Variants in FUT8 observed in about 807,000 individuals in gnomAD.
FUT8 encodes fucosyltransferase 8, also known as alpha-(1,6)-fucosyltransferase.
In FUT8, 29 loss-of-function variants were observed where a neutral mutation model predicts 71.3. The observed-to-expected ratio is 0.41, with a 90% confidence interval of 0.30 to 0.55. The LOEUF (loss-of-function observed/expected upper bound fraction) is 0.55. FUT8 is among the 20% of genes least tolerant of loss of function. The pLI is 0.34. For synonymous variants in FUT8, 254 were observed against 239.3 expected (o/e 1.06, Z -0.57); for missense variants, 544 against 702.1 (o/e 0.77, Z 2.55).
chr14:65,620,699 G>A (rs1459477286), intron 5 of FUT8, among the ~76,000 whole-genome samples: 7 of 152,156 alleles, frequency 4.6e-5, no homozygotes, highest in African/African-American at 1.7e-4. Context: ...GAGAGAGGAA[G>A]GGAGGAAGGA....
At chr14:65,459,177 C>G (rs138506579) in intron 2 of FUT8, among the ~76,000 whole-genome samples, 1 of 152,086 alleles carries the variant, frequency 6.6e-6, no homozygotes. Context: ...ATCTGTTCAA[C>G]GGGCAAATAC....
chr14:65,620,838 C>T (rs1889570656), intron 5 of FUT8, among the ~76,000 whole-genome samples: 1 of 152,126 alleles, frequency 6.6e-6, no homozygotes, highest in Non-Finnish European at 1.5e-5. Flanking sequence ...CTAAGGAATC[C>T]AAGCTTATTT....
intron 6 of FUT8, among the ~76,000 whole-genome samples, chr14:65,663,295 G>T (rs565900801): frequency 2.0e-5 from 3 of 152,074 alleles, no homozygotes; most frequent in East Asian, 1.9e-4. Flanking sequence ...AATAACAAAG[G>T]CTTAGCTCAG....
intron 3 of FUT8, among the ~76,000 whole-genome samples, chr14:65,588,315 T>C (rs1887498960): frequency 6.6e-6 from 1 of 152,126 alleles, no homozygotes; most frequent in Non-Finnish European, 1.5e-5. Context: ...TTTTCCTTCA[T>C]CCCCCAACAG....
intron 2 of FUT8, among the ~76,000 whole-genome samples, chr14:65,531,810 C>A (rs1009151983): frequency 1.3e-5 from 2 of 152,070 alleles, no homozygotes; most frequent in African/African-American, 4.8e-5. Context: ...TCTATTGTTC[C>A]TTTCGTTGTG....
chr14:65,404,957 C>G, the FUT8 span, among the ~76,000 whole-genome samples: 5 of 152,186 alleles, frequency 3.3e-5, no homozygotes, highest in African/African-American at 1.2e-4. Flanking sequence ...TTAAATAAAA[C>G]AGCAGCTTAC....
At chr14:65,433,372 A>G (rs1367941893) in intron 1 of FUT8, among the ~76,000 whole-genome samples, 2 of 152,232 alleles carry the variant, frequency 1.3e-5, no homozygotes, top group Non-Finnish European at 2.9e-5. Context: ...AAGTAGGGGC[A>G]TTCCAGGAAG....
intron 3 of FUT8, among the ~76,000 whole-genome samples, chr14:65,597,392 G>A (rs1254148112): frequency 6.6e-6 from 1 of 152,126 alleles, no homozygotes; most frequent in East Asian, 1.9e-4. Context: ...ACTTTGGGAG[G>A]CCGAGGCGGG....
rs1308779681 is a variant in FUT8, at chr14:65,742,390, T to A, written c.1708T>A (p.Tyr570Asn). The A allele has an allele frequency of 6.2e-7, 1 of 1,611,846 alleles. No individual in the cohort carries two copies. The highest frequency in any genetic ancestry group is 8.5e-7 in the Non-Finnish European group (1 of 1,178,622). The change falls in exon 11 of 11, where the codon TAT becomes AAT. Residue 570 changes from tyrosine (Y) to asparagine (N), a missense_variant. By Grantham distance (143) the Tyr-to-Asn change is moderately radical. Coordinates refer to ENST00000673929, the MANE Select transcript of FUT8 (RefSeq NM_001371533.1). ...EKIETVKYPTYPEAEK is the reference protein window; with the variant it reads ...EKIETVKYPTNPEAEK ...GATAGAAACGGTCAAGTACCCCACA[T>A]ATCCTGAGGCTGAGAAATAAAGCTC...
the FUT8 span, among the ~76,000 whole-genome samples, chr14:65,387,635 G>A: frequency 4.6e-5 from 7 of 152,204 alleles, no homozygotes; most frequent in African/African-American, 1.7e-4. Context: ...AACTTCATCT[G>A]TTCAATTCAG....
intron 2 of FUT8, among the ~76,000 whole-genome samples, chr14:65,536,332 G>A (rs1276511301): frequency 6.6e-6 from 1 of 152,130 alleles, no homozygotes; most frequent in Non-Finnish European, 1.5e-5. Flanking sequence ...TGTTTGTGTG[G>A]TTGCTTTATA....
intron 7 of FUT8, among the ~76,000 whole-genome samples, chr14:65,708,120 C>T (rs1894641025): frequency 6.6e-6 from 1 of 152,044 alleles, no homozygotes; most frequent in Non-Finnish European, 1.5e-5. Flanking sequence ...TCCCATAATC[C>T]CCACATGTCA....
chr14:65,590,440 A>G (rs1373820050), intron 3 of FUT8, among the ~76,000 whole-genome samples: 2 of 152,176 alleles, frequency 1.3e-5, no homozygotes, highest in Admixed American at 6.5e-5. Context: ...TCTTTGCATC[A>G]TGGAGTCAAA....
intron 2 of FUT8, among the ~76,000 whole-genome samples, chr14:65,528,063 C>T (rs138098082): frequency 0.014 from 2,063 of 152,356 alleles, 43 homozygotes; most frequent in East Asian, 0.093. Context: ...AGAACCACTA[C>T]TCTCTTCAAA....
intron 7 of FUT8, among the ~76,000 whole-genome samples, chr14:65,714,751 A>C (rs1348897778): frequency 1.3e-5 from 2 of 151,882 alleles, no homozygotes; most frequent in Non-Finnish European, 2.9e-5. Flanking sequence ...GTCCTCTTCC[A>C]TTTCTTTCAT....
At chr14:65,642,184 A>AT (rs972480288) in intron 6 of FUT8, among the ~76,000 whole-genome samples, 4 of 152,182 alleles carry the variant, frequency 2.6e-5, no homozygotes, top group African/African-American at 9.7e-5. Flanking sequence ...TCTAAGATCC[A>AT]TTTTGAGGAA....
At chr14:65,724,896 C>A (rs1566918175) in intron 9 of FUT8, among the ~76,000 whole-genome samples, 1 of 152,126 alleles carries the variant, frequency 6.6e-6, no homozygotes, top group Non-Finnish European at 1.5e-5. Flanking sequence ...CTCATGACCT[C>A]ATCTAAGCCT....
intron 2 of FUT8, among the ~76,000 whole-genome samples, chr14:65,469,995 C>A (rs1298287388): frequency 1.3e-5 from 2 of 152,216 alleles, no homozygotes; most frequent in African/African-American, 2.4e-5. Flanking sequence ...GGGACGTGCC[C>A]CCTTCCACCC....
intron 3 of FUT8, among the ~76,000 whole-genome samples, chr14:65,580,937 T>C (rs1887058127): frequency 6.6e-6 from 1 of 152,070 alleles, no homozygotes; most frequent in Non-Finnish European, 1.5e-5. Flanking sequence ...ACTAAATACT[T>C]ACATATTGTT....
Sources: gnomAD v4.1 joint callset for allele counts (sites outside exome capture counted in the v4.1 genomes callset) on GRCh38, gnomAD v4.1.1 for gene constraint, MANE v1.5 for transcripts, NCBI Gene and HGNC (gene_info 2026-07-23, HGNC 2026-07-21) for gene names.